UTRN: variants seen among roughly 807,000 people sequenced by gnomAD.
UTRN encodes dystrophin-related protein 1.
Under a neutral mutation model 463.9 loss-of-function variants are expected in UTRN, and 283 were observed. That is an observed-to-expected ratio of 0.61 (90% CI 0.55 to 0.67). UTRN has a LOEUF of 0.67. Among genes scored for constraint, UTRN ranks in the 30% least tolerant of loss-of-function variants. The pLI is 0.00. For missense variants in UTRN, 3,922 were observed against 4,084.3 expected, an observed-to-expected ratio of 0.96 and a Z score of 1.08; for synonymous variants, 1,442 against 1,431.5, an observed-to-expected ratio of 1.01 and a Z score of -0.17.
intron 2 of UTRN, among the ~76,000 whole-genome samples, chr6:144,329,403 A>G (rs1482174347): frequency 2.0e-5 from 3 of 152,174 alleles, no homozygotes; most frequent in African/African-American, 7.2e-5. Flanking sequence ...TTAAATGCAT[A>G]AAATAGAGTA....
intron 3 of UTRN, among the ~76,000 whole-genome samples, chr6:144,409,065 A>G (rs1783659552): frequency 6.6e-6 from 1 of 152,220 alleles, no homozygotes; most frequent in African/African-American, 2.4e-5. Context: ...AGAAATGTGA[A>G]TTTGTGTCTA....
intron 53 of UTRN, among the ~76,000 whole-genome samples, chr6:144,711,635 A>T (rs1394077245): frequency 6.6e-6 from 1 of 152,234 alleles, no homozygotes; most frequent in Non-Finnish European, 1.5e-5. Context: ...TTTTCATAAC[A>T]ATGTAAATAT....
chr6:144,666,545 A>G (rs78117177), intron 51 of UTRN, among the ~76,000 whole-genome samples: 2 of 152,228 alleles, frequency 1.3e-5, no homozygotes, highest in Admixed American at 1.3e-4. Context: ...TATGTAACAG[A>G]GACTGTGAGG....
intron 46 of UTRN, among the ~76,000 whole-genome samples, chr6:144,543,648 C>T (rs544849038): frequency 7.6e-4 from 115 of 152,184 alleles, no homozygotes; most frequent in African/African-American, 2.6e-3. Flanking sequence ...CCATGTCCAC[C>T]TTCTACTTTC....
chr6:144,732,606 GA>G (rs1788822274), intron 54 of UTRN, among the ~76,000 whole-genome samples: 2 of 151,044 alleles, frequency 1.3e-5, no homozygotes, highest in Admixed American at 6.6e-5. Context: ...ATTGCATACT[GA>G]AAAAAAATCT....
intron 51 of UTRN, among the ~76,000 whole-genome samples, chr6:144,650,640 G>A (rs573886961): frequency 2.1e-4 from 32 of 152,294 alleles, no homozygotes; most frequent in Admixed American, 5.9e-4. Flanking sequence ...GCCGGGCGCC[G>A]TGGCTCACGC....
intron 52 of UTRN, among the ~76,000 whole-genome samples, chr6:144,681,269 A>G (rs1782169310): frequency 6.6e-6 from 1 of 152,176 alleles, no homozygotes; most frequent in Non-Finnish European, 1.5e-5. Flanking sequence ...GACAGGTGGC[A>G]GGTAACCATT....
chr6:144,665,612 A>C (rs550915870), intron 51 of UTRN, among the ~76,000 whole-genome samples: 1 of 152,322 alleles, frequency 6.6e-6, no homozygotes, highest in South Asian at 2.1e-4. Flanking sequence ...TAAATAAATA[A>C]ATGTTTTCCC....
intron 60 of UTRN, among the ~76,000 whole-genome samples, chr6:144,778,490 A>C: frequency 6.6e-6 from 1 of 152,082 alleles, no homozygotes; most frequent in East Asian, 1.9e-4. Context: ...TCCAAAGAGA[A>C]GCAATAATAG....
intron 51 of UTRN, among the ~76,000 whole-genome samples, chr6:144,616,901 A>G (rs1806177171): frequency 6.6e-6 from 1 of 152,202 alleles, no homozygotes. Flanking sequence ...CACCTGGTGT[A>G]GAAATCTGTT....
At chr6:144,391,803 A>G (rs753105058) in intron 2 of UTRN, among the ~76,000 whole-genome samples, 17 of 152,134 alleles carry the variant, frequency 1.1e-4, no homozygotes, top group Non-Finnish European at 2.2e-4. Context: ...CACCACACCC[A>G]TCTAATTTTT....
chr6:144,499,396 G>A lies in UTRN; in HGVS notation c.4733G>A (p.Gly1578Asp). The change falls in exon 34 of 75, where the codon GGT becomes GAT. Residue 1578 changes from glycine (G) to aspartate (D), a missense_variant. Transcript: ENST00000367545. ...VQKSTSEGLL[G>D]DLDTEISWAK... is the part of the protein sequence containing the mutation. ...AAGTCCACTTCAGAAGGTCTGCTTG[G>A]TGACTTGGATACAGAAATTTCCTGG... 1 of 1,610,060 alleles carries A rather than the reference G, an allele frequency of 6.2e-7. No individual in the cohort carries two copies. Among genetic ancestry groups the A allele is most frequent in the Non-Finnish European group, 8.5e-7 (1 of 1,177,204 alleles).
intron 48 of UTRN, among the ~76,000 whole-genome samples, chr6:144,551,799 C>T (rs1798943572): frequency 1.3e-5 from 2 of 152,162 alleles, no homozygotes; most frequent in South Asian, 2.1e-4. Flanking sequence ...TGTAATTATG[C>T]TGTTATTCCT....
chr6:144,438,847 C>T lies in UTRN; in HGVS notation c.1344C>T (p.Pro448=), dbSNP rs765875182. ...GCATTCAGAAGATGGAAACTTGCCC[C>T]CTGGATGATGATGTAAAATCTCTAC... The part of the protein sequence containing the change: ...EERIQKMETC[P]LDDDVKSLQK... Residue 448 remains proline (P), a synonymous_variant, in exon 12 of 75, where the codon CCC becomes CCT. Transcript: ENST00000367545. The T allele has an allele frequency of 6.2e-7, 1 of 1,614,142 alleles. No homozygotes were observed. The highest frequency in any genetic ancestry group is 8.5e-7 in the Non-Finnish European group (1 of 1,180,026).
intron 10 of UTRN, among the ~76,000 whole-genome samples, chr6:144,436,542 AT>A (rs1161380927): frequency 6.6e-6 from 1 of 151,850 alleles, no homozygotes; most frequent in East Asian, 1.9e-4. Flanking sequence ...GGGTTCCTGT[AT>A]TTTTTCATAT....
At chr6:144,647,492 A>T (rs552494296) in intron 51 of UTRN, among the ~76,000 whole-genome samples, 261 of 152,344 alleles carry the variant, frequency 1.7e-3, no homozygotes, top group African/African-American at 5.9e-3. Context: ...AGTCTTCATA[A>T]ACTGTTTGTT....
chr6:144,386,805 C>CT (rs574565620), intron 2 of UTRN, among the ~76,000 whole-genome samples: 2 of 151,770 alleles, frequency 1.3e-5, no homozygotes, highest in Admixed American at 6.6e-5. Flanking sequence ...ACTCTTCTTC[C>CT]TTTTTTTATG....
chr6:144,333,209 G>A (rs2114610807), intron 2 of UTRN: 1 of 152,242 alleles, frequency 6.6e-6, no homozygotes, highest in South Asian at 2.1e-4. Flanking sequence ...CCAAAGTGCT[G>A]GGATTACAGG....
At chr6:144,511,238 T>A (rs1213182248) in intron 35 of UTRN, 115 bp downstream of exon 35, 2 of 1,035,080 alleles carry the variant, frequency 1.9e-6, no homozygotes, top group Non-Finnish European at 2.6e-6. Flanking sequence ...CACAGTGATG[T>A]TTTGCTTGTG....
Sources: allele counts gnomAD v4.1 joint callset (sites outside exome capture counted in the v4.1 genomes callset), GRCh38; gene constraint gnomAD v4.1.1; transcripts MANE v1.5; gene names NCBI Gene and HGNC (gene_info 2026-07-23, HGNC 2026-07-21).